Variants in PTPRG observed in about 807,000 individuals in gnomAD.
The protein encoded by PTPRG is receptor-type tyrosine-protein phosphatase gamma.
PTPRG carries 102 observed loss-of-function variants against 165.3 expected under a neutral mutation model. The ratio of observed to expected loss-of-function variants is 0.62; its 90% CI spans 0.53 to 0.73. The LOEUF is 0.73. Among genes scored for constraint, PTPRG ranks in the 30% least tolerant of loss-of-function variants. PTPRG has a pLI of 0.00. For synonymous variants in PTPRG, 675 were observed against 669.5 expected (o/e 1.01, Z -0.13); for missense variants, 1,866 against 1,861.4 (o/e 1.00, Z -0.05).
At chr3:62,132,456 A>G in intron 5 of PTPRG, 146 bp from the exon 6 acceptor site, 2 of 642,698 alleles carry the variant, frequency 3.1e-6, no homozygotes, top group South Asian at 2.0e-5. Flanking sequence ...AATCTCCTGC[A>G]TTTGGTGAGA....
intron 4 of PTPRG, among the ~76,000 whole-genome samples, chr3:62,016,168 T>A (rs1028652455): frequency 1.1e-4 from 16 of 152,280 alleles, no homozygotes; most frequent in African/African-American, 3.9e-4. Context: ...TTTATTTATA[T>A]TAACTATATA....
chr3:61,791,384 G>A (rs139296241), intron 2 of PTPRG, among the ~76,000 whole-genome samples: 2 of 152,246 alleles, frequency 1.3e-5, no homozygotes, highest in Non-Finnish European at 1.5e-5. Context: ...AACTTACCAA[G>A]TGACTTTAGG....
chr3:61,779,935 A>G (rs1245316862), intron 2 of PTPRG, among the ~76,000 whole-genome samples: 2 of 152,104 alleles, frequency 1.3e-5, no homozygotes, highest in Non-Finnish European at 2.9e-5. Flanking sequence ...AGAGTTAGAT[A>G]TTACCTTCCC....
intron 1 of PTPRG, among the ~76,000 whole-genome samples, chr3:61,722,571 G>A (rs2032096889): frequency 6.6e-6 from 1 of 152,094 alleles, no homozygotes. Flanking sequence ...TTGGAACTCT[G>A]TTTATGCATA....
At chr3:62,182,659 C>CTTTGTTTGCTTG (rs1705704090) in intron 8 of PTPRG, among the ~76,000 whole-genome samples, 1 of 152,028 alleles carries the variant, frequency 6.6e-6, no homozygotes, top group Admixed American at 6.6e-5. Flanking sequence ...GTAACTAATT[C>CTTTGTTTGCTTG]TTTGTTTGTT....
At chr3:61,809,997 T>C (rs1191837516) in intron 2 of PTPRG, among the ~76,000 whole-genome samples, 2 of 152,202 alleles carry the variant, frequency 1.3e-5, no homozygotes, top group Admixed American at 6.5e-5. Context: ...GCCCACCTTA[T>C]AGCTGCAATG....
At chr3:61,582,174 C>A (rs1024582233) in intron 1 of PTPRG, among the ~76,000 whole-genome samples, 2 of 151,750 alleles carry the variant, frequency 1.3e-5, no homozygotes, top group African/African-American at 4.8e-5. Flanking sequence ...TGCCATGTTG[C>A]CCAGGCCGGT....
chr3:61,699,816 C>T (rs1419993798), intron 1 of PTPRG, among the ~76,000 whole-genome samples: 1 of 152,094 alleles, frequency 6.6e-6, no homozygotes, highest in Non-Finnish European at 1.5e-5. Flanking sequence ...CAGGAAAATG[C>T]CTGTGATGAC....
chr3:62,074,388 C>T (rs548799931), intron 4 of PTPRG, among the ~76,000 whole-genome samples: 77 of 115,774 alleles, frequency 6.7e-4, no homozygotes, highest in African/African-American at 2.4e-3. Context: ...CAGGATCTTG[C>T]TCTGTCACTC....
At chr3:62,042,572 A>G (rs7619444) in intron 4 of PTPRG, among the ~76,000 whole-genome samples, 130,427 of 151,984 alleles carry the variant, frequency 0.86, 56,711 homozygotes, top group Non-Finnish European at 0.92. Context: ...ACCCTGCATG[A>G]CCATTTGATA....
intron 1 of PTPRG, among the ~76,000 whole-genome samples, chr3:61,671,135 T>G (rs1049156488): frequency 9.9e-6 from 1 of 100,870 alleles, no homozygotes; most frequent in East Asian, 3.6e-4. Flanking sequence ...CTGTATGAAC[T>G]TTCTTTTTTT....
At chr3:62,075,547 GAAAGAAAACTCTCCA>G (rs1312934990) in intron 4 of PTPRG, among the ~76,000 whole-genome samples, 5 of 152,150 alleles carry the variant, frequency 3.3e-5, no homozygotes, top group Non-Finnish European at 7.4e-5. Context: ...TTACCTTTAA[GAAAGAAAACTCTCCA>G]AAAGAAAACT....
At position 62,210,388 on chromosome 3, in the gene PTPRG, C is replaced by T. The variant is rs184174576; in HGVS notation, c.2155+6438C>T. Among the ~76,000 whole-genome samples, 22 of 152,290 alleles carry T rather than the reference C, an allele frequency of 1.4e-4. No homozygotes were observed. In the East Asian group the frequency reaches 2.9e-3, roughly 20 times the overall value. ...AGCAGCCACCTTATCATTTCACACCCGTTAGAATGGCTTCTATCAAAAATA... is the reference window on the plus strand; with the variant it reads ...AGCAGCCACCTTATCATTTCACACCTGTTAGAATGGCTTCTATCAAAAATA... On this transcript the variant is annotated intron_variant, in intron 12 of 29. Transcript: ENST00000474889. The surrounding 1 kb of genome is among the most constrained non-coding windows in gnomAD (Gnocchi z 4.1).
chr3:61,836,035 C>T (rs1016164797), intron 2 of PTPRG, among the ~76,000 whole-genome samples: 17 of 145,920 alleles, frequency 1.2e-4, no homozygotes, highest in Middle Eastern at 3.5e-3. Flanking sequence ...AGTAAATCTC[C>T]GTCTCACCCC....
chr3:61,821,323 C>T (rs1328296100), intron 2 of PTPRG, among the ~76,000 whole-genome samples: 4 of 152,082 alleles, frequency 2.6e-5, no homozygotes, highest in Non-Finnish European at 5.9e-5. Flanking sequence ...GCGCCTGCCA[C>T]CTCGCCTGGC....
chr3:61,599,277 G>A (rs1411863776), intron 1 of PTPRG, among the ~76,000 whole-genome samples: 1 of 152,088 alleles, frequency 6.6e-6, no homozygotes, highest in East Asian at 1.9e-4. Flanking sequence ...AGTTTCCCAA[G>A]TAGCTGGCAT....
chr3:61,636,213 A>G (rs1364232200), intron 1 of PTPRG, among the ~76,000 whole-genome samples: 3 of 152,146 alleles, frequency 2.0e-5, no homozygotes, highest in African/African-American at 4.8e-5. Flanking sequence ...TTCATATAGT[A>G]TACAGTTTAC....
chr3:61,942,832 A>G (rs765284681), intron 2 of PTPRG, among the ~76,000 whole-genome samples: 1 of 152,214 alleles, frequency 6.6e-6, no homozygotes, highest in Non-Finnish European at 1.5e-5. Context: ...TAATTTTTAT[A>G]TGACTTAGCA....
At chr3:62,133,094 G>A (rs116525823) in intron 6 of PTPRG, among the ~76,000 whole-genome samples, 93 of 152,302 alleles carry the variant, frequency 6.1e-4, no homozygotes, top group African/African-American at 2.2e-3. Flanking sequence ...GTGAACAAGC[G>A]TCATGCAGCT....
Sources: allele counts gnomAD v4.1 joint callset (sites outside exome capture counted in the v4.1 genomes callset), GRCh38; gene constraint gnomAD v4.1.1; non-coding constraint Gnocchi (gnomAD v3.1); transcripts MANE v1.5; gene names NCBI Gene and HGNC (gene_info 2026-07-23, HGNC 2026-07-21).